Variants in PRKAR2B observed in about 807,000 individuals in gnomAD.
PRKAR2B encodes the protein cAMP-dependent protein kinase type II-beta regulatory subunit.
Under a neutral mutation model 49.9 loss-of-function variants are expected in PRKAR2B, and 14 were observed. The ratio of observed to expected loss-of-function variants is 0.28; its 90% confidence interval spans 0.19 to 0.44. The LOEUF is 0.44. Ranked by LOEUF, PRKAR2B falls within the 20% of genes least tolerant of loss-of-function variation. The pLI, the probability that PRKAR2B is intolerant of heterozygous loss-of-function variation, is 1.00. For synonymous variants in PRKAR2B, 196 were observed against 197.7 expected, an observed-to-expected ratio of 0.99 and a Z score of 0.07; for missense variants, 393 against 537.9, an observed-to-expected ratio of 0.73 and a Z score of 2.67.
chr7:107,132,440 G>A (rs1291592142), intron 4 of PRKAR2B, among the ~76,000 whole-genome samples: 1 of 152,174 alleles, frequency 6.6e-6, no homozygotes, highest in Non-Finnish European at 1.5e-5. Context: ...GAGTTAAAGA[G>A]GGGAGAAAAA....
chr7:107,047,367 G>A lies in PRKAR2B; in HGVS notation c.307+2153G>A, dbSNP rs367845958. Among the ~76,000 whole-genome samples, 4 of 151,952 alleles carry A rather than the reference G, an allele frequency of 2.6e-5. No homozygotes were observed. In the East Asian group the frequency reaches 5.8e-4, roughly 22 times the overall value. On this transcript the variant is annotated intron_variant, in intron 1 of 10. Coordinates refer to ENST00000265717, the MANE Select transcript of PRKAR2B (RefSeq NM_002736.3). Reference sequence around the variant, plus strand: ...TATAGGCTACAAAGTGATTGGCAAGGTTTCTTGTAAAGGGCCGGTTAGTAA... The same window carrying A: ...TATAGGCTACAAAGTGATTGGCAAGATTTCTTGTAAAGGGCCGGTTAGTAA...
intron 2 of PRKAR2B, among the ~76,000 whole-genome samples, chr7:107,089,096 G>A (rs1794673894): frequency 6.6e-6 from 1 of 152,126 alleles, no homozygotes; most frequent in Non-Finnish European, 1.5e-5. Flanking sequence ...TTGAACCTGG[G>A]AGGTGGAGGT....
intron 2 of PRKAR2B, among the ~76,000 whole-genome samples, chr7:107,077,616 C>T (rs1300686061): frequency 6.6e-6 from 1 of 152,102 alleles, no homozygotes; most frequent in East Asian, 1.9e-4. Flanking sequence ...GAGCAGATGC[C>T]CACTGGCTAT....
At chr7:107,144,322 G>C (rs1795848276) in intron 5 of PRKAR2B, among the ~76,000 whole-genome samples, 1 of 151,950 alleles carries the variant, frequency 6.6e-6, no homozygotes, top group African/African-American at 2.4e-5. Flanking sequence ...TCCTGACCTT[G>C]TGATCTGCCC....
chr7:107,051,342 A>G (rs1278617264), intron 1 of PRKAR2B, among the ~76,000 whole-genome samples: 2 of 152,140 alleles, frequency 1.3e-5, no homozygotes, highest in Non-Finnish European at 2.9e-5. Context: ...ATATTTTCCT[A>G]TCACTTGCTT....
At chr7:107,154,459 A>G (rs1242165868) in intron 8 of PRKAR2B, among the ~76,000 whole-genome samples, 2 of 152,222 alleles carry the variant, frequency 1.3e-5, no homozygotes, top group African/African-American at 4.8e-5. Context: ...ATGATTCAGA[A>G]CACTCGAAAA....
intron 2 of PRKAR2B, among the ~76,000 whole-genome samples, chr7:107,075,356 C>T (rs1474229633): frequency 6.6e-6 from 1 of 151,724 alleles, no homozygotes; most frequent in Admixed American, 6.6e-5. Flanking sequence ...CCACCTTGGC[C>T]TCCCAAAATG....
intron 1 of PRKAR2B, 138 bp downstream of exon 1, chr7:107,045,352 GC>G: frequency 2.8e-6 from 2 of 717,016 alleles, no homozygotes; most frequent in Non-Finnish European, 2.2e-6. Flanking sequence ...TTCCCATCTC[GC>G]CCACCCCCTC....
chr7:107,100,037 C>T (rs541088852), intron 2 of PRKAR2B, among the ~76,000 whole-genome samples: 1 of 152,056 alleles, frequency 6.6e-6, no homozygotes, highest in East Asian at 1.9e-4. Flanking sequence ...TTGTCAGATA[C>T]ATGGTTTATA....
At chr7:107,105,719 C>G (rs1795058897) in intron 2 of PRKAR2B, among the ~76,000 whole-genome samples, 1 of 152,032 alleles carries the variant, frequency 6.6e-6, no homozygotes, top group African/African-American at 2.4e-5. Context: ...TGGGGTAGTC[C>G]CTTTTCCAGT....
intron 2 of PRKAR2B, among the ~76,000 whole-genome samples, chr7:107,096,801 T>C (rs995268218): frequency 2.6e-5 from 4 of 152,222 alleles, no homozygotes; most frequent in Non-Finnish European, 5.9e-5. Context: ...TTGTTCGGTT[T>C]CCATGTAGTT....
intron 2 of PRKAR2B, among the ~76,000 whole-genome samples, chr7:107,115,311 T>C (rs1335003688): frequency 6.6e-6 from 1 of 152,182 alleles, no homozygotes; most frequent in Non-Finnish European, 1.5e-5. Flanking sequence ...AGTAAAATTT[T>C]GCTGACATGA....
chr7:107,064,448 G>A (rs746089204), intron 1 of PRKAR2B, among the ~76,000 whole-genome samples: 1 of 152,190 alleles, frequency 6.6e-6, no homozygotes, highest in Non-Finnish European at 1.5e-5. Context: ...CCACGTGTCT[G>A]AGTGGGTTGG....
chr7:107,088,604 T>C (rs911795367), intron 2 of PRKAR2B, among the ~76,000 whole-genome samples: 1 of 152,248 alleles, frequency 6.6e-6, no homozygotes, highest in East Asian at 1.9e-4. Context: ...TTTTATTTTA[T>C]ATTTTATTTT....
rs1796169183 is a variant in PRKAR2B, at chr7:107,159,936, A to T, written c.*354A>T. 5.9e-6 allele frequency: 1 copy of T among 169,558 alleles called. No homozygotes were observed. Among genetic ancestry groups the T allele is most frequent in the African/African-American group, 2.4e-5 (1 of 42,076 alleles). The allele number at this position is 169,558 out of a possible 1,614,324, so 10.5% of individuals were successfully genotyped here. On this transcript the variant is annotated 3_prime_UTR_variant, in exon 11 of 11. Coordinates refer to ENST00000265717, the MANE Select transcript of PRKAR2B (RefSeq NM_002736.3). ...ATATGTGTTTTACTTATTCAGACTG[A>T]TAATCATATTAGTGACTATCCCCAT...
intron 4 of PRKAR2B, among the ~76,000 whole-genome samples, chr7:107,133,993 G>A (rs1421164660): frequency 6.6e-6 from 1 of 151,808 alleles, no homozygotes; most frequent in Non-Finnish European, 1.5e-5. Flanking sequence ...AATTTTGGTG[G>A]CAGCAGAATA....
chr7:107,106,101 G>A (rs1184397871), intron 2 of PRKAR2B, among the ~76,000 whole-genome samples: 2 of 152,200 alleles, frequency 1.3e-5, no homozygotes, highest in African/African-American at 4.8e-5. Context: ...CTACATTAGT[G>A]TATTTCCTGA....
At chr7:107,123,216 C>T (rs1355367891) in intron 3 of PRKAR2B, among the ~76,000 whole-genome samples, 1 of 152,128 alleles carries the variant, frequency 6.6e-6, no homozygotes, top group Non-Finnish European at 1.5e-5. Context: ...TGAACATTTG[C>T]AATACAGTTT....
chr7:107,062,331 A>G (rs146786908), intron 1 of PRKAR2B, among the ~76,000 whole-genome samples: 1 of 152,352 alleles, frequency 6.6e-6, no homozygotes, highest in African/African-American at 2.4e-5. Flanking sequence ...GAAGAATATT[A>G]AAGAATATTT....
Sources: gnomAD v4.1 joint callset for allele counts (sites outside exome capture counted in the v4.1 genomes callset) on GRCh38, gnomAD v4.1.1 for gene constraint, MANE v1.5 for transcripts, NCBI Gene and HGNC (gene_info 2026-07-23, HGNC 2026-07-21) for gene names.